SAMD12: variants seen among roughly 807,000 people sequenced by gnomAD.
The protein encoded by SAMD12 is sterile alpha motif domain-containing protein 12.
Under a neutral mutation model 15.0 loss-of-function variants are expected in SAMD12, and 9 were observed. The observed-to-expected ratio is 0.60, with a 90% CI of 0.36 to 1.05. SAMD12 has a LOEUF of 1.05. Among genes scored for constraint, SAMD12 ranks in the 50% least tolerant of loss-of-function variants. SAMD12 has a pLI of 0.01. For missense variants in SAMD12, 230 were observed against 234.2 expected, an observed-to-expected ratio of 0.98 and a Z score of 0.12; for synonymous variants, 86 against 90.1, an observed-to-expected ratio of 0.96 and a Z score of 0.25.
rs367856570 is a variant in SAMD12, at chr8:118,298,808, CAT to C, written c.433+80750_433+80751del. ...GGTAAATATTAATATATTTAAAAGA[CAT>C]AGCAATAAATAACTATAAATTGATA... On this transcript the variant is annotated intron_variant, in intron 4 of 4. Coordinates refer to the SAMD12 transcript ENST00000409003. 4.5e-3 allele frequency among the ~76,000 whole-genome samples: 685 copies of C among 152,124 alleles called. 1 individual carries two copies. The highest frequency in any genetic ancestry group is 0.016 in the African/African-American group (650 of 41,500).
At chr8:118,157,577 T>C in the SAMD12 span, among the ~76,000 whole-genome samples, 1 of 152,246 alleles carries the variant, frequency 6.6e-6, no homozygotes, top group African/African-American at 2.4e-5. Flanking sequence ...ATATATATTT[T>C]AAAAAGCCTA....
intron 3 of SAMD12, among the ~76,000 whole-genome samples, chr8:118,428,233 G>A (rs1368584467): frequency 2.0e-5 from 3 of 151,926 alleles, no homozygotes; most frequent in Non-Finnish European, 4.4e-5. Flanking sequence ...TTTCCTTGAT[G>A]GATTCTTAGA....
At chr8:118,370,278 G>A (rs971017277) in intron 4 of SAMD12, among the ~76,000 whole-genome samples, 9 of 152,096 alleles carry the variant, frequency 5.9e-5, no homozygotes, top group Non-Finnish European at 1.3e-4. Context: ...ACAAAGTCAA[G>A]AAAAAACAGA....
chr8:118,442,700 T>C (rs574998013), intron 2 of SAMD12, among the ~76,000 whole-genome samples: 2 of 152,314 alleles, frequency 1.3e-5, no homozygotes, highest in East Asian at 3.9e-4. Flanking sequence ...TCTTTCCTGC[T>C]CTACAAATGT....
the SAMD12 span, among the ~76,000 whole-genome samples, chr8:118,153,935 T>C: frequency 6.6e-6 from 1 of 152,092 alleles, no homozygotes; most frequent in African/African-American, 2.4e-5. Flanking sequence ...CTGAAATGAA[T>C]TTCTCTCCCA....
At chr8:118,267,915 AC>A (rs1235750019) in intron 4 of SAMD12, among the ~76,000 whole-genome samples, 2 of 151,990 alleles carry the variant, frequency 1.3e-5, no homozygotes, top group African/African-American at 4.8e-5. Flanking sequence ...ACATGGCAAA[AC>A]CCTGTCTCTA....
At chr8:118,421,575 C>T (rs1484336989) in intron 3 of SAMD12, among the ~76,000 whole-genome samples, 1 of 152,172 alleles carries the variant, frequency 6.6e-6, no homozygotes, top group African/African-American at 2.4e-5. Context: ...TGAAACAAAA[C>T]ACTGTATTTG....
At chr8:118,192,015 T>C (rs1819419360) in exon 5 of SAMD12, 1 of 151,276 alleles carries the variant, frequency 6.6e-6, no homozygotes, top group Non-Finnish European at 1.5e-5. Flanking sequence ...CTAACTCCTC[T>C]GAGAAGATGG....
At chr8:118,390,471 G>T (rs1050493411) in intron 3 of SAMD12, among the ~76,000 whole-genome samples, 1 of 152,090 alleles carries the variant, frequency 6.6e-6, no homozygotes, top group Non-Finnish European at 1.5e-5. Context: ...AGCCAACCAA[G>T]ACCAAGTCTG....
Position 118,453,338 on chromosome 8 carries a change from G to A in SAMD12, c.193-13377C>T, listed in dbSNP as rs553884872. Among the ~76,000 whole-genome samples, 98 of 152,112 alleles carry A rather than the reference G, an allele frequency of 6.4e-4. No homozygotes were observed. The Middle Eastern group carries it at 0.024, about 37-fold the overall frequency. On this transcript the variant is annotated intron_variant, in intron 2 of 3. Transcript: ENST00000314727. Reference sequence around the variant, plus strand: ...CTGGGCTAATTAGTCTGGTTTGGATGATTATTTCTTCTATCACATTCTCAG... The same window carrying A: ...CTGGGCTAATTAGTCTGGTTTGGATAATTATTTCTTCTATCACATTCTCAG...
At position 118,319,817 on chromosome 8, in the gene SAMD12, TAATATATAAG is replaced by T. The variant is rs1586516066; in HGVS notation, c.433+59733_433+59742del. Reference sequence around the variant, plus strand: ...AAAAGCGCAGGTTTGGTGTTTGAGATAATATATAAGTTTAAATTTGGTGTCTGAGTTTGAG... The same window carrying T: ...AAAAGCGCAGGTTTGGTGTTTGAGATTTTAAATTTGGTGTCTGAGTTTGAG... On this transcript the variant is annotated intron_variant, in intron 4 of 4. Transcript: ENST00000409003. Among the ~76,000 whole-genome samples, 7 of 152,280 alleles carry T rather than the reference TAATATATAAG, an allele frequency of 4.6e-5. No individual in the cohort carries two copies. The East Asian group carries it at 1.4e-3, about 29-fold the overall frequency.
the SAMD12 span, among the ~76,000 whole-genome samples, chr8:118,152,458 A>ACCTTCCTTCCTTCCTTCCTTCCTTCCTT: frequency 3.5e-5 from 4 of 114,234 alleles, no homozygotes; most frequent in African/African-American, 1.1e-4. Flanking sequence ...CTCCCTCCCT[A>ACCTTCCTTCCTTCCTTCCTTCCTTCCTT]CCTTCCTTCC....
intron 2 of SAMD12, among the ~76,000 whole-genome samples, chr8:118,562,342 G>A (rs531370532): frequency 1.3e-5 from 2 of 152,232 alleles, no homozygotes; most frequent in South Asian, 4.2e-4. Context: ...GCCAAGGAGG[G>A]GAATAGTAAG....
intron 4 of SAMD12, among the ~76,000 whole-genome samples, chr8:118,334,758 G>A (rs1304984701): frequency 6.6e-6 from 1 of 152,018 alleles, no homozygotes; most frequent in African/African-American, 2.4e-5. Context: ...ACCATACCCG[G>A]CTAATTTTTG....
chr8:118,334,577 G>C (rs561279011), intron 4 of SAMD12, among the ~76,000 whole-genome samples: 8 of 151,880 alleles, frequency 5.3e-5, no homozygotes, highest in Non-Finnish European at 1.2e-4. Context: ...CCCATAATTT[G>C]AGCATCATTT....
the SAMD12 span, among the ~76,000 whole-genome samples, chr8:118,152,731 T>C: frequency 6.6e-6 from 1 of 152,238 alleles, no homozygotes; most frequent in Admixed American, 6.5e-5. Context: ...ACTCCTGGGC[T>C]CAAGCAGTTC....
chr8:118,171,728 A>ATT, the SAMD12 span, among the ~76,000 whole-genome samples: 14 of 136,230 alleles, frequency 1.0e-4, no homozygotes, highest in South Asian at 2.3e-4. Flanking sequence ...TGGGTACAGG[A>ATT]TTTTTTTTTT....
At chr8:118,218,506 T>G (rs1164794275) in intron 4 of SAMD12, among the ~76,000 whole-genome samples, 2 of 152,162 alleles carry the variant, frequency 1.3e-5, no homozygotes, top group African/African-American at 4.8e-5. Context: ...TTATATCCTT[T>G]GACCAACATC....
chr8:118,599,071 T>C (rs1827792977), intron 1 of SAMD12, among the ~76,000 whole-genome samples: 1 of 152,140 alleles, frequency 6.6e-6, no homozygotes, highest in Non-Finnish European at 1.5e-5. Context: ...TACTTTTAAT[T>C]ATCCCAGGCA....
Sources: gnomAD v4.1 joint callset for allele counts (sites outside exome capture counted in the v4.1 genomes callset) on GRCh38, gnomAD v4.1.1 for gene constraint, MANE v1.5 for transcripts, NCBI Gene and HGNC (gene_info 2026-07-23, HGNC 2026-07-21) for gene names.